The following ATP10D variants were observed in gnomAD, a reference collection of about 807,000 sequenced individuals.
ATP10D encodes the protein phospholipid-transporting ATPase VD.
Under a neutral mutation model 144.8 loss-of-function variants are expected in ATP10D, and 89 were observed. The ratio of observed to expected loss-of-function variants is 0.61; its 90% CI spans 0.52 to 0.73. The LOEUF (loss-of-function observed/expected upper bound fraction) is 0.73. Among genes scored for constraint, ATP10D ranks in the 30% least tolerant of loss-of-function variants. ATP10D has a pLI of 0.00. For synonymous variants in ATP10D, 571 were observed against 615.1 expected (o/e 0.93, Z 1.06); for missense variants, 1,603 against 1,714.8 (o/e 0.93, Z 1.15).
chr4:47,522,927 T>A, intron 3 of ATP10D, 85 bp from the exon 4 acceptor site: 2 of 1,118,372 alleles, frequency 1.8e-6, no homozygotes, highest in Non-Finnish European at 2.6e-6. Flanking sequence ...CTTTAAATTA[T>A]ACGCTAAAAA....
chr4:47,582,008 A>C lies in ATP10D; in HGVS notation c.3697A>C (p.Asn1233His). The change falls in exon 21 of 23, where the codon AAC (asparagine) becomes CAC (histidine). Residue 1233 changes from asparagine (N) to histidine (H), a missense_variant. By Grantham distance (68) the Asn-to-His change is moderately conservative (BLOSUM62 1). Transcript: ENST00000273859. Reference protein sequence around the residue: ...TDIFAFGNPLNTAALFIVLLH... With the variant: ...TDIFAFGNPLHTAALFIVLLH... ...CATCTTTGCATTTGGAAACCCCCTG[A>C]ACACAGCCGCTCTGTTCATCGTTCT... The C allele has an allele frequency of 6.2e-7, 1 of 1,614,112 alleles. No individual in the cohort carries two copies. The highest frequency in any genetic ancestry group is 8.5e-7 in the Non-Finnish European group (1 of 1,179,996).
chr4:47,560,521 A>G (rs73237100), intron 13 of ATP10D, among the ~76,000 whole-genome samples: 1 of 151,684 alleles, frequency 6.6e-6, no homozygotes, highest in Non-Finnish European at 1.5e-5. Flanking sequence ...AACAAACAAA[A>G]AAAACATCAA....
chr4:47,565,140 T>G (rs1560448569), intron 15 of ATP10D, among the ~76,000 whole-genome samples: 1 of 152,066 alleles, frequency 6.6e-6, no homozygotes, highest in Non-Finnish European at 1.5e-5. Context: ...TTGTGTATTT[T>G]TAGTAGAGAC....
chr4:47,572,359 GT>G, intron 17 of ATP10D, 129 bp downstream of exon 17: 6 of 735,434 alleles, frequency 8.2e-6, no homozygotes, highest in Non-Finnish European at 1.4e-5. Context: ...GAGACAGGAA[GT>G]TTACCTATCT....
At chr4:47,491,293 A>AACACTGG in intron 1 of ATP10D, 1 of 900,240 alleles carries the variant, frequency 1.1e-6, no homozygotes, top group African/African-American at 1.6e-5. Flanking sequence ...TTGCCATGGT[A>AACACTGG]ACACTGGTGG....
Position 47,563,569 on chromosome 4 carries a change from G to C in ATP10D, c.2669-12G>C, listed in dbSNP as rs370237258. The C allele has an allele frequency of 6.3e-7, 1 of 1,594,970 alleles. No homozygotes were observed. The highest frequency in any genetic ancestry group is 8.5e-7 in the Non-Finnish European group (1 of 1,172,826). On this transcript the variant is annotated splice_polypyrimidine_tract_variant and intron_variant, in intron 14 of 22. Transcript: ENST00000273859. ...TTCTTACAAGTCCTATTGCACTTTG[G>C]TTATTTTTTAGGTGCTACTGGCATT... is the stretch of plus-strand genomic sequence containing the variant.
At chr4:47,568,678 C>T (rs62298025) in intron 15 of ATP10D, among the ~76,000 whole-genome samples, 159 bp from the exon 16 acceptor site, 30,222 of 152,120 alleles carry the variant, frequency 0.2, 3,510 homozygotes, top group East Asian at 0.5. Context: ...ACACACAGAA[C>T]TCTCTGTGGA....
chr4:47,561,751 T>C (rs1209962537), intron 14 of ATP10D, among the ~76,000 whole-genome samples: 5 of 152,200 alleles, frequency 3.3e-5, no homozygotes, highest in Non-Finnish European at 7.4e-5. Context: ...TCCCCTGAGA[T>C]TCTGATTCAA....
intron 1 of ATP10D, among the ~76,000 whole-genome samples, chr4:47,485,876 C>T (rs1397242581): frequency 6.7e-6 from 1 of 150,346 alleles, no homozygotes. Context: ...GGCACGCACA[C>T]ACACGCATTC....
rs112495765 is a variant in ATP10D, at chr4:47,551,039, C to T, written c.1636-3687C>T. Among the ~76,000 whole-genome samples the T allele has an allele frequency of 1.1e-3, 164 of 152,382 alleles. 3 individuals are homozygous for T. Among genetic ancestry groups the T allele is most frequent in the African/African-American group, 3.9e-3 (161 of 41,594 alleles). On this transcript the variant is annotated intron_variant, in intron 10 of 22. Transcript: ENST00000273859. Reference sequence around the variant, plus strand: ...TATATCCCTATCCTTGTCCCTCCCGCTGTCCTCTCAGGCAACAGATGATTG... The same window carrying T: ...TATATCCCTATCCTTGTCCCTCCCGTTGTCCTCTCAGGCAACAGATGATTG...
chr4:47,489,217 G>A (rs545584320), intron 1 of ATP10D, among the ~76,000 whole-genome samples: 14 of 152,240 alleles, frequency 9.2e-5, no homozygotes, highest in African/African-American at 2.6e-4. Context: ...CCAGCAGAGC[G>A]ATAAATTACC....
chr4:47,537,057 A>G, intron 9 of ATP10D, 119 bp downstream of exon 9: 1 of 1,208,250 alleles, frequency 8.3e-7, no homozygotes, highest in Admixed American at 2.9e-5. Flanking sequence ...TTGAGTACTT[A>G]ATGCTTCCAG....
At chr4:47,579,936 T>G (rs1238051151) in intron 19 of ATP10D, among the ~76,000 whole-genome samples, 4 of 152,206 alleles carry the variant, frequency 2.6e-5, no homozygotes, top group African/African-American at 9.7e-5. Flanking sequence ...TAAAACCATC[T>G]GGCTGATTTT....
intron 1 of ATP10D, among the ~76,000 whole-genome samples, chr4:47,495,383 A>G (rs1715298390): frequency 6.6e-6 from 1 of 152,230 alleles, no homozygotes; most frequent in Admixed American, 6.5e-5. Flanking sequence ...TAAATGTAAA[A>G]GCAATACATT....
rs1716439627 is a variant in ATP10D at position 47,513,059 on chromosome 4, T to C, written c.290+229T>C. On this transcript the variant is annotated intron_variant, in intron 2 of 22. Transcript: ENST00000273859. The stretch of plus-strand genomic sequence containing the variant: ...AGAAAAGATATTGTAATTCACATAT[T>C]ATAGGTTAGGAAATGACTTGACTGT... 4.6e-5 allele frequency among the ~76,000 whole-genome samples: 7 copies of C among 152,294 alleles called. No individual in the cohort carries two copies. In the South Asian group the frequency reaches 1.4e-3, roughly 32 times the overall value.
chr4:47,502,434 C>A (rs1360956754), intron 1 of ATP10D, among the ~76,000 whole-genome samples: 1 of 151,254 alleles, frequency 6.6e-6, no homozygotes, highest in Non-Finnish European at 1.5e-5. Flanking sequence ...AGCGCCACTG[C>A]ACTCCAGCCT....
intron 14 of ATP10D, among the ~76,000 whole-genome samples, chr4:47,562,743 A>T (rs566305516): frequency 3.3e-5 from 5 of 152,208 alleles, no homozygotes; most frequent in Admixed American, 6.5e-5. Context: ...CTGCAATCAT[A>T]GGCTTATCAC....
At chr4:47,579,761 G>A (rs116507964) in intron 19 of ATP10D, among the ~76,000 whole-genome samples, 3,027 of 152,370 alleles carry the variant, frequency 0.02, 110 homozygotes, top group African/African-American at 0.069. Flanking sequence ...CTTAGATTGT[G>A]TTGGAAATGC....
chr4:47,497,121 G>A (rs1462300185), intron 1 of ATP10D, among the ~76,000 whole-genome samples: 5 of 152,074 alleles, frequency 3.3e-5, no homozygotes, highest in Non-Finnish European at 7.4e-5. Context: ...GATTACAGGC[G>A]TGAGCCACCG....
Sources: allele counts gnomAD v4.1 joint callset (sites outside exome capture counted in the v4.1 genomes callset), GRCh38; gene constraint gnomAD v4.1.1; transcripts MANE v1.5; gene names NCBI Gene and HGNC (gene_info 2026-07-23, HGNC 2026-07-21).